Variants in SEMA5A observed in about 807,000 individuals in gnomAD.
SEMA5A encodes the protein semaphorin 5A.
In SEMA5A, 55 loss-of-function variants were observed where a neutral mutation model predicts 135.5. The observed-to-expected ratio is 0.41, with a 90% CI of 0.33 to 0.51. The LOEUF (loss-of-function observed/expected upper bound fraction) is 0.51, where lower values mean the gene tolerates loss of function less well. SEMA5A is among the 20% of genes least tolerant of loss of function. The pLI is 0.37. For missense variants in SEMA5A, 1,290 were observed against 1,419.9 expected (o/e 0.91, Z 1.47); for synonymous variants, 580 against 546.5 (o/e 1.06, Z -0.85).
At chr5:9,273,121 T>C (rs1003317058) in intron 5 of SEMA5A, among the ~76,000 whole-genome samples, 7 of 150,608 alleles carry the variant, frequency 4.6e-5, no homozygotes, top group African/African-American at 1.7e-4. Flanking sequence ...AAAAAAGTTC[T>C]TGAAAGTTAG....
chr5:9,094,660 C>T (rs916647586), intron 16 of SEMA5A, among the ~76,000 whole-genome samples: 3 of 152,216 alleles, frequency 2.0e-5, no homozygotes, highest in African/African-American at 4.8e-5. Context: ...ACAGATTTCA[C>T]AGTCCTTCTT....
chr5:9,281,537 C>T (rs895320698), intron 5 of SEMA5A, among the ~76,000 whole-genome samples: 10 of 152,258 alleles, frequency 6.6e-5, no homozygotes, highest in South Asian at 4.1e-4. Flanking sequence ...TGTGCCAAGA[C>T]GGAGAAACCC....
intron 6 of SEMA5A, chr5:9,237,592 G>C (rs539452993): frequency 2.1e-4 from 75 of 356,442 alleles, no homozygotes; most frequent in Admixed American, 5.5e-4. Context: ...GACAGAAAGG[G>C]CAAATTAGCT....
At chr5:9,369,780 C>CAAA (rs538148385) in intron 3 of SEMA5A, among the ~76,000 whole-genome samples, 48 of 132,534 alleles carry the variant, frequency 3.6e-4, no homozygotes, top group South Asian at 1.9e-3. Context: ...CAGAACAAAC[C>CAAA]AAAAAAAAAA....
intron 20 of SEMA5A, 104 bp downstream of exon 20, chr5:9,051,769 T>G: frequency 7.1e-7 from 1 of 1,405,034 alleles, no homozygotes; most frequent in Non-Finnish European, 9.9e-7. Flanking sequence ...TGGAATCATC[T>G]CTATTTCACC....
At chr5:9,148,068 T>C (rs1742437602) in intron 12 of SEMA5A, among the ~76,000 whole-genome samples, 1 of 150,764 alleles carries the variant, frequency 6.6e-6, no homozygotes, top group South Asian at 2.1e-4. Context: ...TTCTGTTCTA[T>C]GATAAAAGAT....
intron 5 of SEMA5A, among the ~76,000 whole-genome samples, chr5:9,238,640 C>A (rs1011288356): frequency 6.6e-6 from 1 of 151,438 alleles, no homozygotes; most frequent in African/African-American, 2.4e-5. Context: ...AGGATGCCTA[C>A]AGGCATCCAT....
At chr5:9,511,393 A>G (rs1736199599) in intron 1 of SEMA5A, 1 of 152,200 alleles carries the variant, frequency 6.6e-6, no homozygotes, top group Non-Finnish European at 1.5e-5. Flanking sequence ...TTATGTTTTC[A>G]TCTGGCTAAT....
intron 1 of SEMA5A, among the ~76,000 whole-genome samples, chr5:9,539,005 A>C (rs62342598): frequency 0.094 from 14,331 of 152,278 alleles, 796 homozygotes; most frequent in Middle Eastern, 0.15. Flanking sequence ...GTAAGTGTAC[A>C]ATTTAATGAT....
intron 2 of SEMA5A, among the ~76,000 whole-genome samples, chr5:9,384,449 C>CCCCT (rs1755742998): frequency 6.6e-6 from 1 of 151,884 alleles, no homozygotes; most frequent in Non-Finnish European, 1.5e-5. Context: ...CTAGTAACAC[C>CCCCT]CCCTCCCACC....
intron 2 of SEMA5A, among the ~76,000 whole-genome samples, chr5:9,436,708 G>A (rs1579537731): frequency 6.6e-6 from 1 of 152,184 alleles, no homozygotes; most frequent in Non-Finnish European, 1.5e-5. Context: ...AATAAACAAT[G>A]GTAGTGTCTT....
Position 9,071,969 on chromosome 5 carries a change from C to A in SEMA5A, c.2074-5323G>T, listed in dbSNP as rs559205576. Among the ~76,000 whole-genome samples, 10 of 152,254 alleles carry A rather than the reference C, an allele frequency of 6.6e-5. No homozygotes were observed. In the East Asian group the frequency reaches 1.9e-3, roughly 29 times the overall value. On this transcript the variant is annotated intron_variant, in intron 16 of 22. Transcript: ENST00000382496. ...CATGCTCCCAGGAGCTTGTGGCAAA[C>A]AGAACAAAGATTGACTGGAAGTTCT...
intron 1 of SEMA5A, among the ~76,000 whole-genome samples, chr5:9,439,032 G>A (rs1309954558): frequency 6.6e-6 from 1 of 152,180 alleles, no homozygotes; most frequent in Admixed American, 6.5e-5. Flanking sequence ...TGGGAAGCAA[G>A]GGGGTGACCC....
chr5:9,089,762 T>C (rs1036774109), intron 16 of SEMA5A, among the ~76,000 whole-genome samples: 6 of 152,128 alleles, frequency 3.9e-5, no homozygotes, highest in African/African-American at 1.4e-4. Flanking sequence ...TATGATAATG[T>C]TTGTGGTAAG....
At chr5:9,330,419 TTTTTTGTTTTTG>T (rs955447885) in intron 4 of SEMA5A, among the ~76,000 whole-genome samples, 1 of 151,218 alleles carries the variant, frequency 6.6e-6, no homozygotes, top group Non-Finnish European at 1.5e-5. Flanking sequence ...CAGATTAGTT[TTTTTTGTTTTTG>T]TTTTTGTTTT....
intron 8 of SEMA5A, among the ~76,000 whole-genome samples, chr5:9,216,969 G>T (rs1237533212): frequency 6.6e-6 from 1 of 152,118 alleles, no homozygotes; most frequent in Non-Finnish European, 1.5e-5. Flanking sequence ...GGAGCATTTA[G>T]CCTGTTTACA....
Position 9,369,780 on chromosome 5 carries a change from CA to C in SEMA5A, c.124+10042del, listed in dbSNP as rs538148385. On this transcript the variant is annotated intron_variant, in intron 3 of 22. Transcript: ENST00000382496. The stretch of plus-strand genomic sequence containing the variant: ...TCCAACATTTCCCTGCAGAACAAAC[CA>C]AAAAAAAAAAAATGGCAGTGCAGGA... Among the ~76,000 whole-genome samples the C allele has an allele frequency of 3.2e-3, 424 of 132,284 alleles. 1 individual carries two copies. The highest frequency in any genetic ancestry group is 0.032 in the Middle Eastern group (8 of 252). The allele number at this position is 132,284 out of a possible 152,430, so 86.8% of individuals were successfully genotyped here.
chr5:9,126,077 G>A (rs1343114698), intron 13 of SEMA5A, among the ~76,000 whole-genome samples: 3 of 152,098 alleles, frequency 2.0e-5, no homozygotes, highest in Non-Finnish European at 2.9e-5. Flanking sequence ...AAGCAATAAC[G>A]GTGGTCAGAC....
intron 5 of SEMA5A, among the ~76,000 whole-genome samples, chr5:9,293,397 G>A (rs1751183445): frequency 7.0e-6 from 1 of 141,892 alleles, no homozygotes; most frequent in Non-Finnish European, 1.6e-5. Flanking sequence ...CCTCACCCAG[G>A]GCCATATGAA....
Sources: allele counts gnomAD v4.1 joint callset (sites outside exome capture counted in the v4.1 genomes callset), GRCh38; gene constraint gnomAD v4.1.1; transcripts MANE v1.5; gene names NCBI Gene and HGNC (gene_info 2026-07-23, HGNC 2026-07-21).